SORBS2: variants seen among roughly 807,000 people sequenced by gnomAD.
The protein encoded by SORBS2 is sorbin and SH3 domain-containing protein 2.
Under a neutral mutation model 97.7 loss-of-function variants are expected in SORBS2, and 46 were observed. The ratio of observed to expected loss-of-function variants is 0.47; its 90% CI spans 0.37 to 0.60. SORBS2 has a LOEUF of 0.60. Among genes scored for constraint, SORBS2 ranks in the 20% least tolerant of loss-of-function variants. SORBS2 has a pLI of 0.00. For missense variants in SORBS2, 1,316 were observed against 1,282.3 expected (o/e 1.03, Z -0.40); for synonymous variants, 476 against 473.4 (o/e 1.01, Z -0.07).
At chr4:185,878,500 G>A (rs2099234933) in intron 1 of SORBS2, among the ~76,000 whole-genome samples, 1 of 152,016 alleles carries the variant, frequency 6.6e-6, no homozygotes, top group Non-Finnish European at 1.5e-5. Flanking sequence ...CGTACCTGGC[G>A]CCTCGCTTTC....
chr4:185,933,263 C>T (rs553322902), intron 1 of SORBS2: 1 of 152,188 alleles, frequency 6.6e-6, no homozygotes, highest in Non-Finnish European at 1.5e-5. Flanking sequence ...TCTACTCGAA[C>T]GTTACAGCAG....
intron 1 of SORBS2, among the ~76,000 whole-genome samples, chr4:185,897,906 A>G (rs1391739072): frequency 1.3e-5 from 2 of 152,084 alleles, no homozygotes. Context: ...ATGTGGTGGC[A>G]GGTGCCTGTA....
At chr4:185,913,134 G>A (rs1026330366) in intron 1 of SORBS2, among the ~76,000 whole-genome samples, 2 of 152,162 alleles carry the variant, frequency 1.3e-5, no homozygotes, top group African/African-American at 2.4e-5. Flanking sequence ...AATGCACAAG[G>A]ATGTTTTGCT....
At chr4:185,756,944 A>G (rs2098835212) in intron 2 of SORBS2, 3 of 1,462,808 alleles carry the variant, frequency 2.1e-6, no homozygotes, top group African/African-American at 2.8e-5. Context: ...GGGTAAGGGA[A>G]AAAGCATTTT....
intron 1 of SORBS2, among the ~76,000 whole-genome samples, chr4:185,844,852 C>A (rs139546695): frequency 6.6e-6 from 1 of 152,212 alleles, no homozygotes; most frequent in Non-Finnish European, 1.5e-5. Flanking sequence ...GAGTGAGACA[C>A]GAAAGACTAT....
rs752322977 is a variant in SORBS2 at position 185,624,225 on chromosome 4, G to T, written c.904C>A (p.Pro302Thr). 7.4e-6 allele frequency: 12 copies of T among 1,614,174 alleles called. No individual in the cohort carries two copies. The South Asian group carries it at 1.3e-4, about 18-fold the overall frequency. The change falls in exon 7 of 15, where the codon CCG becomes ACG. Residue 302 changes from proline to threonine, a missense_variant. Pro to Thr is a conservative substitution (Grantham distance 38, BLOSUM62 -1). Transcript: ENST00000418609. The stretch of plus-strand genomic sequence containing the variant: ...CCCATGCTTTCCGACTTGACTTTCG[G>T]GTCCGGGAAGCTATCGCAGTCGTCG...
intron 12 of SORBS2, among the ~76,000 whole-genome samples, chr4:185,605,628 A>G (rs1448561798): frequency 6.6e-6 from 1 of 151,532 alleles, no homozygotes; most frequent in Non-Finnish European, 1.5e-5. Flanking sequence ...TCTGTCACCC[A>G]GGCTGGAGTG....
intron 9 of SORBS2, among the ~76,000 whole-genome samples, chr4:185,616,644 A>G (rs2096631815): frequency 6.6e-6 from 1 of 152,244 alleles, no homozygotes; most frequent in African/African-American, 2.4e-5. Context: ...AAAATTTTGA[A>G]GTCCTTAAGA....
intron 2 of SORBS2, among the ~76,000 whole-genome samples, chr4:185,733,578 G>C (rs902189270): frequency 5.9e-5 from 9 of 152,168 alleles, no homozygotes; most frequent in African/African-American, 2.2e-4. Flanking sequence ...GGGCGTTCCT[G>C]GTCCCCGGTG....
At chr4:185,947,041 T>A (rs1010678919) in intron 1 of SORBS2, among the ~76,000 whole-genome samples, 1 of 152,194 alleles carries the variant, frequency 6.6e-6, no homozygotes, top group Non-Finnish European at 1.5e-5. Flanking sequence ...CAATTACATA[T>A]CCAGGGTAAA....
intron 2 of SORBS2, among the ~76,000 whole-genome samples, chr4:185,691,393 T>C (rs1189803599): frequency 1.3e-5 from 2 of 152,156 alleles, no homozygotes; most frequent in South Asian, 2.1e-4. Flanking sequence ...ATTAAATTTC[T>C]TTTACAAATA....
At chr4:185,758,671 A>G (rs2098845520) in intron 2 of SORBS2, among the ~76,000 whole-genome samples, 1 of 151,320 alleles carries the variant, frequency 6.6e-6, no homozygotes, top group South Asian at 2.1e-4. Flanking sequence ...TCCCCTTCTT[A>G]CCACCTACTC....
intron 6 of SORBS2, among the ~76,000 whole-genome samples, chr4:185,625,020 G>T (rs1230755480): frequency 6.6e-6 from 1 of 152,124 alleles, no homozygotes; most frequent in African/African-American, 2.4e-5. Flanking sequence ...ATAATTTTTT[G>T]TGGGTTTTAG....
At chr4:185,821,674 TC>T (rs1379359505) in intron 1 of SORBS2, among the ~76,000 whole-genome samples, 1 of 152,212 alleles carries the variant, frequency 6.6e-6, no homozygotes. Flanking sequence ...TCTGCCCGCC[TC>T]AGCCTCCCAA....
At chr4:185,662,048 G>T in intron 5 of SORBS2, 56 bp downstream of exon 8, 5 of 1,593,972 alleles carry the variant, frequency 3.1e-6, no homozygotes, top group Non-Finnish European at 4.3e-6. Flanking sequence ...TTTCTCCTGT[G>T]GTTGTACTTG....
chr4:185,783,074 G>A (rs1044721799), intron 1 of SORBS2, among the ~76,000 whole-genome samples: 1 of 152,192 alleles, frequency 6.6e-6, no homozygotes. Flanking sequence ...TATGACCACA[G>A]AAGTTAATTT....
chr4:185,918,273 G>A (rs2099259271), intron 1 of SORBS2: 1 of 152,194 alleles, frequency 6.6e-6, no homozygotes, highest in South Asian at 2.1e-4. Flanking sequence ...ATTTGATTCT[G>A]TTAGCAGATA....
intron 1 of SORBS2, among the ~76,000 whole-genome samples, chr4:185,794,502 A>T (rs1274511775): frequency 6.6e-6 from 1 of 152,240 alleles, no homozygotes; most frequent in African/African-American, 2.4e-5. Flanking sequence ...GTCCTGGGAC[A>T]AGAACTGCAG....
chr4:185,943,976 T>C (rs1292786644), intron 1 of SORBS2, among the ~76,000 whole-genome samples: 1 of 152,208 alleles, frequency 6.6e-6, no homozygotes. Flanking sequence ...CTTTCAATCA[T>C]TCTGTTTGTT....
Sources: allele counts gnomAD v4.1 joint callset (sites outside exome capture counted in the v4.1 genomes callset), GRCh38; gene constraint gnomAD v4.1.1; transcripts MANE v1.5; gene names NCBI Gene and HGNC (gene_info 2026-07-23, HGNC 2026-07-21).